The following TMOD1 variants were observed in gnomAD, a reference collection of about 807,000 sequenced individuals.
TMOD1 encodes the protein tropomodulin-1.
In TMOD1, 17 loss-of-function variants were observed where a neutral mutation model predicts 40.6. That is an observed-to-expected ratio of 0.42 (90% CI 0.29 to 0.63). The LOEUF is 0.63. Ranked by LOEUF, TMOD1 falls within the 20% of genes least tolerant of loss-of-function variation. The pLI, the probability that TMOD1 is intolerant of heterozygous loss-of-function variation, is 0.22. For missense variants in TMOD1, 391 were observed against 447.6 expected (o/e 0.87, Z 1.14); for synonymous variants, 181 against 175.0 (o/e 1.03, Z -0.27).
intron 8 of TMOD1, among the ~76,000 whole-genome samples, chr9:97,584,840 T>A (rs1301679684): frequency 6.6e-6 from 1 of 152,230 alleles, no homozygotes; most frequent in Non-Finnish European, 1.5e-5. Flanking sequence ...TGCCTTTTTT[T>A]GTTTTCCATT....
chr9:97,555,210 C>G (rs1157032244), intron 4 of TMOD1, among the ~76,000 whole-genome samples: 1 of 152,144 alleles, frequency 6.6e-6, no homozygotes, highest in African/African-American at 2.4e-5. Flanking sequence ...CCATTGAGCC[C>G]GTATATTATA....
chr9:97,585,005 T>C (rs1422731637), intron 8 of TMOD1, among the ~76,000 whole-genome samples: 1 of 152,210 alleles, frequency 6.6e-6, no homozygotes, highest in African/African-American at 2.4e-5. Context: ...TCCATTTACA[T>C]TTAAAGTTAA....
chr9:97,575,062 C>A (rs1162413099), intron 8 of TMOD1, among the ~76,000 whole-genome samples: 1 of 152,236 alleles, frequency 6.6e-6, no homozygotes, highest in East Asian at 1.9e-4. Flanking sequence ...GGGTCCACTT[C>A]CGCACTGTGG....
chr9:97,569,079 A>G, intron 8 of TMOD1, 42 bp downstream of exon 8: 1 of 1,605,954 alleles, frequency 6.2e-7, no homozygotes, highest in Non-Finnish European at 8.5e-7. Context: ...TACTACATGC[A>G]GCTCGCTGGC....
chr9:97,599,358 C>T (rs774690030), intron 9 of TMOD1, among the ~76,000 whole-genome samples: 2 of 152,142 alleles, frequency 1.3e-5, no homozygotes, highest in Non-Finnish European at 2.9e-5. Flanking sequence ...CTTCTGTAAG[C>T]AAAGAAAATA....
chr9:97,541,571 A>G (rs1049360671), intron 2 of TMOD1, among the ~76,000 whole-genome samples: 1 of 151,242 alleles, frequency 6.6e-6, no homozygotes, highest in Non-Finnish European at 1.5e-5. Flanking sequence ...GCTGGAGTCT[A>G]GCGGCGTGAT....
chr9:97,601,162 C>G lies in TMOD1; in HGVS notation c.*1464C>G, dbSNP rs2131301926. On this transcript the variant is annotated 3_prime_UTR_variant, in exon 10 of 10. Transcript: ENST00000259365. ...AGTGGCACCATGTTGCAGGGACAAC[C>G]ATCCCCATTTGGCTTCTCCTTAAAA... 7.7e-7 allele frequency: 1 copy of G among 1,301,874 alleles called. No homozygotes were observed. The highest frequency in any genetic ancestry group is 5.6e-5 in the East Asian group (1 of 18,014). The allele number at this position is 1,301,874 out of a possible 1,614,324, so 80.6% of individuals were successfully genotyped here. A position where few individuals can be genotyped will look rare whatever the true frequency, so the allele number is the denominator to read the frequency against.
At chr9:97,586,230 A>AC (rs1284918648) in intron 8 of TMOD1, among the ~76,000 whole-genome samples, 5 of 151,466 alleles carry the variant, frequency 3.3e-5, no homozygotes, top group Non-Finnish European at 7.4e-5. Context: ...AACAGAGAGG[A>AC]CCCTCAGCTG....
chr9:97,521,031 A>T (rs10982502), intron 1 of TMOD1, among the ~76,000 whole-genome samples: 4,217 of 152,282 alleles, frequency 0.028, 90 homozygotes, highest in African/African-American at 0.06. Context: ...GGAAGAGGTA[A>T]CAAGTATGAG....
intron 9 of TMOD1, among the ~76,000 whole-genome samples, chr9:97,594,612 T>C (rs1462756444): frequency 6.6e-6 from 1 of 152,184 alleles, no homozygotes; most frequent in African/African-American, 2.4e-5. Context: ...TTGGGGGACA[T>C]TGAGTCCCCA....
intron 1 of TMOD1, among the ~76,000 whole-genome samples, chr9:97,522,425 T>C: frequency 6.6e-6 from 1 of 152,200 alleles, no homozygotes; most frequent in East Asian, 1.9e-4. Flanking sequence ...CAGTAAGACC[T>C]TGACTAAACT....
Position 97,571,221 on chromosome 9 carries a change from T to G in TMOD1, c.870+2184T>G, listed in dbSNP as rs531037635. On this transcript the variant is annotated intron_variant, in intron 8 of 9. Coordinates refer to ENST00000259365, the MANE Select transcript of TMOD1 (RefSeq NM_003275.4). ...CTGAAACTTAACTCCCAGGGCAGAA[T>G]GTCAGCAAAAGAGGACTGGGAGCAG... Among the ~76,000 whole-genome samples, 4 of 152,304 alleles carry G rather than the reference T, an allele frequency of 2.6e-5. No individual in the cohort carries two copies. In the East Asian group the frequency reaches 7.7e-4, roughly 29 times the overall value.
At chr9:97,551,289 G>T (rs1830451270) in intron 3 of TMOD1, among the ~76,000 whole-genome samples, 1 of 152,020 alleles carries the variant, frequency 6.6e-6, no homozygotes, top group Non-Finnish European at 1.5e-5. Context: ...CTTCCAAAGT[G>T]CTGGGATTAC....
Position 97,540,570 on chromosome 9 carries a change from A to G in TMOD1, c.121-5615A>G, listed in dbSNP as rs200883106. ...ATAACACCAGCCCTAGGCAACCACT[A>G]ATCTACTTTCTGTCTCTACAGATTT... On this transcript the variant is annotated intron_variant, in intron 2 of 9. Transcript: ENST00000259365. Among the ~76,000 whole-genome samples, 8 of 152,300 alleles carry G rather than the reference A, an allele frequency of 5.3e-5. No homozygotes were observed. In the East Asian group the frequency reaches 1.4e-3, roughly 26 times the overall value.
At chr9:97,524,864 C>T (rs573496851) in intron 2 of TMOD1, among the ~76,000 whole-genome samples, 31 of 90,778 alleles carry the variant, frequency 3.4e-4, no homozygotes, top group African/African-American at 5.8e-4. Flanking sequence ...CACCCCCCAC[C>T]GCCATATCAG....
intron 8 of TMOD1, among the ~76,000 whole-genome samples, chr9:97,587,217 T>G (rs546149124): frequency 5.1e-4 from 77 of 152,284 alleles, no homozygotes; most frequent in African/African-American, 1.8e-3. Context: ...CTATAAACAT[T>G]CATGTACAGA....
rs1826243628 is a variant in TMOD1, at chr9:97,600,952, T to C, written c.*1254T>C. Reference sequence around the variant, plus strand: ...TTGGGAGTTATTTTCATTAGTGATTTCAGCAAATCTCATGATAAAGGACAA... The same window carrying C: ...TTGGGAGTTATTTTCATTAGTGATTCCAGCAAATCTCATGATAAAGGACAA... On this transcript the variant is annotated 3_prime_UTR_variant, in exon 10 of 10. Transcript: ENST00000259365. 8.8e-7 allele frequency: 1 copy of C among 1,133,706 alleles called. No homozygotes were observed. Among genetic ancestry groups the C allele is most frequent in the South Asian group, 1.9e-5 (1 of 52,664 alleles). 70.2% of individuals were successfully genotyped at this position (1,133,706 alleles called of 1,614,324 possible). A position where few individuals can be genotyped will look rare whatever the true frequency, so the allele number is the denominator to read the frequency against.
chr9:97,569,084 G>C (rs973345397), intron 8 of TMOD1, 47 bp downstream of exon 8: 1 of 1,602,864 alleles, frequency 6.2e-7, no homozygotes, highest in Admixed American at 1.7e-5. Context: ...CATGCAGCTC[G>C]CTGGCCTGCA....
rs1830554185 is a variant in TMOD1, at chr9:97,557,483, G to T, written c.397+4083G>T. Among the ~76,000 whole-genome samples, 1 of 152,328 alleles carries T rather than the reference G, an allele frequency of 6.6e-6. No individual in the cohort carries two copies. The highest frequency in any genetic ancestry group is 1.9e-4 in the East Asian group (1 of 5,180). The stretch of plus-strand genomic sequence containing the variant: ...CCCAAGGGCAGTTGGCAACCTGGGG[G>T]TCTTGCAGCTATCAGAGACAGGCTT... On this transcript the variant is annotated intron_variant, in intron 4 of 9. Transcript: ENST00000259365. The surrounding 1 kb of genome is among the most constrained non-coding windows in gnomAD (Gnocchi z 4.4).
Sources: gnomAD v4.1 joint callset for allele counts (sites outside exome capture counted in the v4.1 genomes callset) on GRCh38, gnomAD v4.1.1 for gene constraint, Gnocchi (gnomAD v3.1) non-coding constraint, MANE v1.5 for transcripts, NCBI Gene and HGNC (gene_info 2026-07-23, HGNC 2026-07-21) for gene names.